Variants in MECOM observed in about 807,000 individuals in gnomAD.
MECOM encodes the protein MDS1 and EVI1 complex locus.
A neutral mutation model predicts 116.3 loss-of-function variants in MECOM; 13 were observed. That is an observed-to-expected ratio of 0.11 (90% confidence interval 0.07 to 0.18). The LOEUF (loss-of-function observed/expected upper bound fraction) is 0.18. MECOM is among the 10% of genes least tolerant of loss of function. The pLI is 1.00. For synonymous variants in MECOM, 528 were observed against 535.2 expected (o/e 0.99, Z 0.19); for missense variants, 1,299 against 1,509.0 (o/e 0.86, Z 2.31).
rs116251188 is a variant in MECOM at position 169,356,768 on chromosome 3, T to A, written c.375+24419A>T. Reference sequence around the variant, plus strand: ...CTCATTCATGCTCACTGTTAATCTCTTAAGACATTATAAAACTGTTAGACA... The same window carrying A: ...CTCATTCATGCTCACTGTTAATCTCATAAGACATTATAAAACTGTTAGACA... On this transcript the variant is annotated intron_variant, in intron 2 of 16. Transcript: ENST00000651503. Among the ~76,000 whole-genome samples the A allele has an allele frequency of 9.5e-3, 1,437 of 152,050 alleles. 9 individuals are homozygous for A. Among genetic ancestry groups the A allele is most frequent in the Middle Eastern group, 0.02 (6 of 294 alleles).
intron 1 of MECOM, among the ~76,000 whole-genome samples, chr3:169,400,237 T>C (rs1735664104): frequency 6.6e-6 from 1 of 152,182 alleles, no homozygotes; most frequent in African/African-American, 2.4e-5. Context: ...GTGGGTTTGG[T>C]ACTTGGCTAC....
intron 1 of MECOM, among the ~76,000 whole-genome samples, chr3:169,619,079 T>C (rs140194748): frequency 3.2e-4 from 49 of 152,162 alleles, no homozygotes; most frequent in African/African-American, 1.1e-3. Context: ...CCAAACCAGA[T>C]TGAAGCTAAC....
At chr3:169,489,979 T>A (rs1212447236) in intron 1 of MECOM, among the ~76,000 whole-genome samples, 1 of 152,104 alleles carries the variant, frequency 6.6e-6, no homozygotes, top group Non-Finnish European at 1.5e-5. Context: ...GAGATGACCT[T>A]GCAATGTATG....
chr3:169,199,470 A>G (rs1476693072), intron 2 of MECOM, among the ~76,000 whole-genome samples: 1 of 152,034 alleles, frequency 6.6e-6, no homozygotes, highest in Non-Finnish European at 1.5e-5. Context: ...CTGGAGTGCC[A>G]TGATGCAATC....
At chr3:169,300,150 T>C (rs1055468770) in intron 2 of MECOM, among the ~76,000 whole-genome samples, 1 of 152,234 alleles carries the variant, frequency 6.6e-6, no homozygotes, top group African/African-American at 2.4e-5. Context: ...TTATTATCTC[T>C]TGGCCCTCAG....
intron 1 of MECOM, among the ~76,000 whole-genome samples, chr3:169,420,342 G>T (rs1739493916): frequency 6.6e-6 from 1 of 152,092 alleles, no homozygotes; most frequent in African/African-American, 2.4e-5. Flanking sequence ...CTGCATTATG[G>T]CTCCAATCCC....
chr3:169,519,920 G>A (rs144170613), intron 1 of MECOM, among the ~76,000 whole-genome samples: 2 of 152,222 alleles, frequency 1.3e-5, no homozygotes, highest in African/African-American at 4.8e-5. Flanking sequence ...CTACAACAAA[G>A]AGCACATGGC....
intron 1 of MECOM, among the ~76,000 whole-genome samples, chr3:169,404,147 A>G (rs1485466380): frequency 6.6e-6 from 1 of 152,164 alleles, no homozygotes; most frequent in Non-Finnish European, 1.5e-5. Context: ...CCCTATACTA[A>G]TTCAAGAGTT....
intron 1 of MECOM, among the ~76,000 whole-genome samples, chr3:169,578,971 A>G (rs1764815374): frequency 6.6e-6 from 1 of 152,222 alleles, no homozygotes; most frequent in African/African-American, 2.4e-5. Flanking sequence ...AAGCTAGGGC[A>G]ATATTTTTCC....
chr3:169,595,526 T>C (rs1470104071), intron 1 of MECOM, among the ~76,000 whole-genome samples: 1 of 152,204 alleles, frequency 6.6e-6, no homozygotes, highest in African/African-American at 2.4e-5. Context: ...ATGCAAGATT[T>C]TTTTATCTCC....
chr3:169,425,284 T>C (rs919103942), intron 1 of MECOM, among the ~76,000 whole-genome samples: 1 of 152,160 alleles, frequency 6.6e-6, no homozygotes, highest in African/African-American at 2.4e-5. Context: ...GAAATGTGCA[T>C]GTCCATGCTC....
intron 1 of MECOM, chr3:169,472,863 G>T: frequency 2.1e-6 from 1 of 472,734 alleles, no homozygotes; most frequent in Non-Finnish European, 2.8e-6. Context: ...CAAAGACAAG[G>T]TCTTAATGAC....
chr3:169,313,532 T>A (rs1457243606), intron 2 of MECOM, among the ~76,000 whole-genome samples: 1 of 152,038 alleles, frequency 6.6e-6, no homozygotes, highest in Non-Finnish European at 1.5e-5. Flanking sequence ...GGAAGGAAAT[T>A]CACCTTACAC....
intron 1 of MECOM, among the ~76,000 whole-genome samples, chr3:169,598,825 C>A (rs1330685858): frequency 2.0e-5 from 3 of 151,960 alleles, no homozygotes; most frequent in African/African-American, 7.3e-5. Context: ...AAAAATGGAT[C>A]CAAATGAGGC....
chr3:169,183,614 G>C (rs892603859), intron 2 of MECOM, among the ~76,000 whole-genome samples: 5 of 151,978 alleles, frequency 3.3e-5, no homozygotes, highest in Non-Finnish European at 5.9e-5. Context: ...GAACTGAGCA[G>C]CTCCTCCTGC....
chr3:169,148,561 A>C (rs1740549652), intron 2 of MECOM, among the ~76,000 whole-genome samples: 1 of 152,202 alleles, frequency 6.6e-6, no homozygotes, highest in South Asian at 2.1e-4. Context: ...CAAATGGACA[A>C]AATCCAACTC....
intron 4 of MECOM, among the ~76,000 whole-genome samples, chr3:169,129,144 T>C (rs913201387): frequency 6.6e-6 from 1 of 152,062 alleles, no homozygotes; most frequent in African/African-American, 2.4e-5. Context: ...AAAGGCTCTG[T>C]AATGAGTAAG....
At chr3:169,506,106 C>A (rs762595143) in intron 1 of MECOM, among the ~76,000 whole-genome samples, 1 of 152,184 alleles carries the variant, frequency 6.6e-6, no homozygotes, top group Non-Finnish European at 1.5e-5. Context: ...ATTGCTCTCT[C>A]GTGGTGGCTC....
In MECOM at chr3:169,596,292, G is replaced by A. The variant is rs117085586; in HGVS notation, c.37+67044C>T. On this transcript the variant is annotated intron_variant, in intron 1 of 16. Coordinates refer to ENST00000651503, the MANE Select transcript of MECOM (RefSeq NM_004991.4). ...AGAGCTTTCTGTCCTGGGGCATATTGGATGAGCACATTCACAGAACATGAA... is the reference window on the plus strand; with the variant it reads ...AGAGCTTTCTGTCCTGGGGCATATTAGATGAGCACATTCACAGAACATGAA... Among the ~76,000 whole-genome samples, 244 of 152,274 alleles carry A rather than the reference G, an allele frequency of 1.6e-3. 9 individuals are homozygous for A. In the East Asian group the frequency reaches 0.04, roughly 25 times the overall value.
Sources: gnomAD v4.1 joint callset for allele counts (sites outside exome capture counted in the v4.1 genomes callset) on GRCh38, gnomAD v4.1.1 for gene constraint, MANE v1.5 for transcripts, NCBI Gene and HGNC (gene_info 2026-07-23, HGNC 2026-07-21) for gene names.